The following EVI5 variants were observed in gnomAD, a reference collection of about 807,000 sequenced individuals.
EVI5 encodes ecotropic viral integration site 5 protein homolog.
Under a neutral mutation model 112.0 loss-of-function variants are expected in EVI5, and 73 were observed. The observed-to-expected ratio is 0.65, with a 90% CI of 0.54 to 0.79. The LOEUF (loss-of-function observed/expected upper bound fraction) is 0.79. EVI5 is among the 30% of genes least tolerant of loss of function. The probability of loss-of-function intolerance (pLI) is 0.00; values close to 1 mark genes in which losing one functional copy is unlikely to be tolerated. For missense variants in EVI5, 900 were observed against 968.8 expected (o/e 0.93, Z 0.94); for synonymous variants, 305 against 319.9 (o/e 0.95, Z 0.50).
At chr1:92,734,888 A>G (rs1677086150) in intron 2 of EVI5, among the ~76,000 whole-genome samples, 1 of 152,206 alleles carries the variant, frequency 6.6e-6, no homozygotes, top group Non-Finnish European at 1.5e-5. Context: ...AACACATAAA[A>G]AGATGCTCAA....
chr1:92,782,440 A>T (rs1302469739), intron 1 of EVI5, among the ~76,000 whole-genome samples: 1 of 152,222 alleles, frequency 6.6e-6, no homozygotes, highest in African/African-American at 2.4e-5. Flanking sequence ...AAAAATAAGC[A>T]TATCAACGAA....
At chr1:92,750,980 T>C (rs143068861) in intron 1 of EVI5, among the ~76,000 whole-genome samples, 239 of 152,050 alleles carry the variant, frequency 1.6e-3, no homozygotes, top group African/African-American at 5.5e-3. Flanking sequence ...AAAACCCCGT[T>C]TCTACTAAAA....
rs1432373243 is a variant in EVI5, at chr1:92,513,780, G to C, written c.2357C>G (p.Pro786Arg). The change falls in exon 20 of 20, where the codon CCC (proline) becomes CGC (arginine). Residue 786 changes from proline (P) to arginine (R), a missense_variant. Physicochemically the swap from Pro to Arg is moderately radical, Grantham distance 103 (BLOSUM62 -2). Coordinates refer to ENST00000684568, the MANE Select transcript of EVI5 (RefSeq NM_001350197.2). ...GCTCTCACTACCATCTGCCACTGCG[G>C]GGTCCAAAGACATCGAACCAGATTT... ...HGKSGSMSLD[P>R]AVADGSESET... 1 of 1,613,336 alleles carries C rather than the reference G, an allele frequency of 6.2e-7. No individual in the cohort carries two copies. Among genetic ancestry groups the C allele is most frequent in the East Asian group, 2.2e-5 (1 of 44,834 alleles).
intron 19 of EVI5, among the ~76,000 whole-genome samples, chr1:92,537,774 C>T (rs1391300289): frequency 1.3e-5 from 2 of 148,818 alleles, no homozygotes; most frequent in Non-Finnish European, 3.0e-5. Context: ...AAATTCTAAT[C>T]TACAGTACTT....
intron 18 of EVI5, among the ~76,000 whole-genome samples, chr1:92,595,749 G>A (rs1424470620): frequency 6.6e-6 from 1 of 152,148 alleles, no homozygotes; most frequent in Non-Finnish European, 1.5e-5. Context: ...AACAATTCGA[G>A]CAGGAAGGAT....
chr1:92,750,274 A>G (rs1679973314), intron 1 of EVI5, among the ~76,000 whole-genome samples: 1 of 152,228 alleles, frequency 6.6e-6, no homozygotes, highest in Non-Finnish European at 1.5e-5. Flanking sequence ...AAATCAATGA[A>G]CTAGAAGAGC....
chr1:92,554,444 C>T (rs1667399389), intron 19 of EVI5, among the ~76,000 whole-genome samples: 1 of 152,120 alleles, frequency 6.6e-6, no homozygotes. Context: ...ACCTCAGCTT[C>T]CTCATTTATC....
chr1:92,687,811 G>C (rs899181332), intron 9 of EVI5, among the ~76,000 whole-genome samples: 5 of 152,160 alleles, frequency 3.3e-5, no homozygotes, highest in African/African-American at 1.2e-4. Context: ...GGTCATCACA[G>C]AATGCAAATC....
At chr1:92,752,412 T>A (rs923359338) in intron 1 of EVI5, among the ~76,000 whole-genome samples, 6 of 152,072 alleles carry the variant, frequency 3.9e-5, no homozygotes, top group African/African-American at 1.4e-4. Flanking sequence ...TGGCCTCAAG[T>A]GATTTGCCCG....
intron 19 of EVI5, among the ~76,000 whole-genome samples, chr1:92,534,414 T>G (rs1571361876): frequency 1.3e-5 from 2 of 152,038 alleles, no homozygotes; most frequent in East Asian, 3.8e-4. Context: ...TTTCTTCAAA[T>G]AATTGGAAAA....
intron 10 of EVI5, among the ~76,000 whole-genome samples, chr1:92,667,379 A>G (rs1279912696): frequency 6.6e-6 from 1 of 152,170 alleles, no homozygotes; most frequent in Non-Finnish European, 1.5e-5. Flanking sequence ...AAATACAAAG[A>G]ATTTATTAAT....
intron 2 of EVI5, chr1:92,731,874 C>T (rs565608457): frequency 6.6e-6 from 1 of 152,104 alleles, no homozygotes; most frequent in Non-Finnish European, 1.5e-5. Flanking sequence ...TATCACAGAG[C>T]TAAATGTCAA....
chr1:92,767,490 T>A (rs1682816124), intron 1 of EVI5, among the ~76,000 whole-genome samples: 1 of 152,198 alleles, frequency 6.6e-6, no homozygotes, highest in Non-Finnish European at 1.5e-5. Context: ...AACTACTATA[T>A]ACGTAAAAGA....
At chr1:92,514,126 A>C (rs370796687) in intron 19 of EVI5, among the ~76,000 whole-genome samples, 156 bp from the exon 20 acceptor site, 1 of 4,128 alleles carries the variant, frequency 2.4e-4, no homozygotes, top group East Asian at 0.1. Context: ...TCTATGTGTT[A>C]TATATAATGG....
At chr1:92,782,757 G>C (rs753844485) in intron 1 of EVI5, among the ~76,000 whole-genome samples, 95 of 152,234 alleles carry the variant, frequency 6.2e-4, no homozygotes, top group Non-Finnish European at 1.0e-3. Flanking sequence ...CTCCAATCTA[G>C]TAATGTCCTA....
rs536325963 is a variant in EVI5 at position 92,626,554 on chromosome 1, T to G, written c.1528-620A>C. 1.8e-3 allele frequency among the ~76,000 whole-genome samples: 267 copies of G among 152,340 alleles called. 1 individual carries two copies. Among genetic ancestry groups the G allele is most frequent in the African/African-American group, 5.8e-3 (243 of 41,590 alleles). ...AAGATATACTTAGGAGTAGAACTGC[T>G]GGCTCAGATGGTAATTGTTCTATGT... On this transcript the variant is annotated intron_variant, in intron 14 of 19. Coordinates refer to ENST00000684568, the MANE Select transcript of EVI5 (RefSeq NM_001350197.2).
chr1:92,634,994 G>T (rs1658429297), intron 14 of EVI5, among the ~76,000 whole-genome samples: 1 of 152,206 alleles, frequency 6.6e-6, no homozygotes, highest in Non-Finnish European at 1.5e-5. Context: ...CAGAACAGCA[G>T]ATATTTGGTG....
chr1:92,767,582 C>A (rs1682830977), intron 1 of EVI5, among the ~76,000 whole-genome samples: 1 of 152,172 alleles, frequency 6.6e-6, no homozygotes. Flanking sequence ...ATCAGGGAAT[C>A]CTGGCACAAA....
chr1:92,656,755 T>C (rs1203867875), intron 13 of EVI5, among the ~76,000 whole-genome samples: 2 of 152,002 alleles, frequency 1.3e-5, no homozygotes, highest in African/African-American at 2.4e-5. Flanking sequence ...ACTATGAACA[T>C]CTCTACACTC....
Sources: allele counts gnomAD v4.1 joint callset (sites outside exome capture counted in the v4.1 genomes callset), GRCh38; gene constraint gnomAD v4.1.1; transcripts MANE v1.5; gene names NCBI Gene and HGNC (gene_info 2026-07-23, HGNC 2026-07-21).